The following ERBB4 variants were observed in gnomAD, a reference collection of about 807,000 sequenced individuals.
ERBB4 encodes receptor tyrosine-protein kinase erbB-4.
ERBB4 carries 42 observed loss-of-function variants against 158.0 expected under a neutral mutation model. That is an observed-to-expected ratio of 0.27 (90% CI 0.21 to 0.34). The LOEUF is 0.34. Ranked by LOEUF, ERBB4 falls within the 10% of genes least tolerant of loss-of-function variation. The probability of loss-of-function intolerance (pLI) is 1.00; values close to 1 mark genes in which losing one functional copy is unlikely to be tolerated. For synonymous variants in ERBB4, 583 were observed against 558.7 expected (o/e 1.04, Z -0.61); for missense variants, 1,333 against 1,624.1 (o/e 0.82, Z 3.08).
Position 212,317,115 on chromosome 2 carries a change from A to G in ERBB4, c.83-192212T>C, listed in dbSNP as rs2087321081. Reference sequence around the variant, plus strand: ...GTTGAGTGTCTGAGAAAAACTCACAATGTCCCAATAAAGTATTTCAGCCAT... The same window carrying G: ...GTTGAGTGTCTGAGAAAAACTCACAGTGTCCCAATAAAGTATTTCAGCCAT... On this transcript the variant is annotated intron_variant, in intron 1 of 27. Transcript: ENST00000342788. Among the ~76,000 whole-genome samples, 3 of 151,524 alleles carry G rather than the reference A, an allele frequency of 2.0e-5. No homozygotes were observed. In the South Asian group the frequency reaches 6.2e-4, roughly 31 times the overall value.
intron 1 of ERBB4, among the ~76,000 whole-genome samples, chr2:212,267,393 T>C (rs2085176344): frequency 1.3e-5 from 2 of 151,870 alleles, no homozygotes; most frequent in South Asian, 2.1e-4. Context: ...AGAATCTATA[T>C]ACAAGTTAAA....
chr2:212,088,094 A>G (rs917996205), intron 2 of ERBB4, among the ~76,000 whole-genome samples: 3 of 152,078 alleles, frequency 2.0e-5, no homozygotes, highest in African/African-American at 7.2e-5. Flanking sequence ...GAACAAGTGG[A>G]AAGTTCATCA....
intron 1 of ERBB4, among the ~76,000 whole-genome samples, chr2:212,204,922 G>T (rs958236194): frequency 6.8e-5 from 10 of 147,960 alleles, no homozygotes; most frequent in Non-Finnish European, 8.9e-5. Flanking sequence ...GGGTTCAAAC[G>T]ATTCTCCTGC....
At chr2:212,185,021 C>CTTTTTTTTTTTCT (rs1553584050) in intron 1 of ERBB4, among the ~76,000 whole-genome samples, 2 of 132,544 alleles carry the variant, frequency 1.5e-5, no homozygotes, top group African/African-American at 5.6e-5. Flanking sequence ...ACTTTTTTTT[C>CTTTTTTTTTTTCT]TTTTTTTTTT....
At chr2:212,110,662 G>A (rs543485760) in intron 2 of ERBB4, among the ~76,000 whole-genome samples, 9 of 152,156 alleles carry the variant, frequency 5.9e-5, no homozygotes, top group Admixed American at 3.3e-4. Flanking sequence ...TTTTATCACC[G>A]GACTGCTTTC....
At chr2:211,754,716 T>C (rs1044847238) in intron 4 of ERBB4, among the ~76,000 whole-genome samples, 1 of 151,528 alleles carries the variant, frequency 6.6e-6, no homozygotes, top group Admixed American at 6.6e-5. Flanking sequence ...CTTTTTTTTT[T>C]TGAGACAGAG....
chr2:211,967,378 G>T (rs1447656821), intron 2 of ERBB4, among the ~76,000 whole-genome samples: 1 of 151,932 alleles, frequency 6.6e-6, no homozygotes, highest in African/African-American at 2.4e-5. Context: ...CATGGAAAAT[G>T]GTAAAAATAA....
chr2:212,093,976 TAAATA>T lies in ERBB4; in HGVS notation c.234+30771_234+30775del, dbSNP rs1211613240. Reference sequence around the variant, plus strand: ...GTAAGAGACAATGAAAATAAATAAATAAATAAAAGAAATAGAAATAAAATGAATAG... The same window carrying T: ...GTAAGAGACAATGAAAATAAATAAATAAAGAAATAGAAATAAAATGAATAG... On this transcript the variant is annotated intron_variant, in intron 2 of 27. Transcript: ENST00000342788. 5.9e-5 allele frequency among the ~76,000 whole-genome samples: 9 copies of T among 152,102 alleles called. No homozygotes were observed. In the East Asian group the frequency reaches 1.7e-3, roughly 29 times the overall value.
chr2:212,007,353 T>C (rs1195886862), intron 2 of ERBB4, among the ~76,000 whole-genome samples: 1 of 151,790 alleles, frequency 6.6e-6, no homozygotes, highest in Admixed American at 6.6e-5. Context: ...TTAACTTATA[T>C]CTGTTCTTTA....
intron 12 of ERBB4, among the ~76,000 whole-genome samples, chr2:211,701,176 T>C (rs544665100): frequency 8.5e-5 from 13 of 152,194 alleles, no homozygotes; most frequent in African/African-American, 3.1e-4. Flanking sequence ...ATTAATAAAA[T>C]AAACTTTCTT....
At chr2:211,818,523 T>C (rs1434989288) in intron 3 of ERBB4, among the ~76,000 whole-genome samples, 1 of 152,074 alleles carries the variant, frequency 6.6e-6, no homozygotes, top group African/African-American at 2.4e-5. Context: ...TAAAAGAAAC[T>C]ATCAATTAAC....
At chr2:211,408,657 G>A (rs1470858701) in intron 25 of ERBB4, among the ~76,000 whole-genome samples, 1 of 152,166 alleles carries the variant, frequency 6.6e-6, no homozygotes, top group African/African-American at 2.4e-5. Flanking sequence ...ATAAGCACAA[G>A]TTGTTCTTTC....
At chr2:211,797,601 T>C (rs2076409424) in intron 3 of ERBB4, among the ~76,000 whole-genome samples, 1 of 151,916 alleles carries the variant, frequency 6.6e-6, no homozygotes, top group African/African-American at 2.4e-5. Context: ...TTCAAATATG[T>C]CAAGATTTTT....
chr2:212,493,196 T>C (rs1056976364), intron 1 of ERBB4, among the ~76,000 whole-genome samples: 7 of 151,594 alleles, frequency 4.6e-5, no homozygotes, highest in African/African-American at 1.7e-4. Flanking sequence ...TTTAGTTATT[T>C]ATTGAAAGCT....
intron 3 of ERBB4, among the ~76,000 whole-genome samples, chr2:211,880,921 G>C (rs911841324): frequency 1.3e-5 from 2 of 152,060 alleles, no homozygotes; most frequent in African/African-American, 4.8e-5. Context: ...CAATTTAATG[G>C]CACAAGTAAT....
chr2:212,019,644 T>C (rs2076603423), intron 2 of ERBB4, among the ~76,000 whole-genome samples: 1 of 150,616 alleles, frequency 6.6e-6, no homozygotes, highest in South Asian at 2.1e-4. Flanking sequence ...GCGCCTGTAA[T>C]CCCAGCTACT....
chr2:212,456,041 A>G (rs908953976), intron 1 of ERBB4, among the ~76,000 whole-genome samples: 3 of 152,064 alleles, frequency 2.0e-5, no homozygotes, highest in Non-Finnish European at 4.4e-5. Context: ...AGAATTGAAA[A>G]CAAAATTAAG....
intron 16 of ERBB4, among the ~76,000 whole-genome samples, chr2:211,633,464 A>G (rs2070223814): frequency 7.0e-6 from 1 of 143,578 alleles, no homozygotes; most frequent in African/African-American, 2.5e-5. Flanking sequence ...TCTTATTTTT[A>G]CTAATTTGTA....
chr2:211,793,993 T>G (rs1215531641), intron 3 of ERBB4, among the ~76,000 whole-genome samples: 4 of 151,894 alleles, frequency 2.6e-5, no homozygotes, highest in Non-Finnish European at 5.9e-5. Context: ...TGACGTAACC[T>G]TCTATATTTC....
Sources: allele counts gnomAD v4.1 joint callset (sites outside exome capture counted in the v4.1 genomes callset), GRCh38; gene constraint gnomAD v4.1.1; transcripts MANE v1.5; gene names NCBI Gene and HGNC (gene_info 2026-07-23, HGNC 2026-07-21).